Variants in VPS13A observed in about 807,000 individuals in gnomAD.
The protein encoded by VPS13A is vacuolar protein sorting 13 homolog A, also known as intermembrane lipid transfer protein VPS13A.
Under a neutral mutation model 390.9 loss-of-function variants are expected in VPS13A, and 264 were observed. The ratio of observed to expected loss-of-function variants is 0.68; its 90% CI spans 0.61 to 0.75. VPS13A has a LOEUF of 0.75. VPS13A is among the 30% of genes least tolerant of loss of function. VPS13A has a pLI of 0.00. For missense variants in VPS13A, 3,409 were observed against 3,733.9 expected (o/e 0.91, Z 2.27); for synonymous variants, 1,231 against 1,227.1 (o/e 1.00, Z -0.07).
chr9:77,323,905 A>G (rs1219732657), intron 45 of VPS13A, among the ~76,000 whole-genome samples: 2 of 152,102 alleles, frequency 1.3e-5, no homozygotes, highest in Admixed American at 1.3e-4. Flanking sequence ...AATCTATTAT[A>G]TGTATATGCC....
chr9:77,231,389 C>T (rs116400876), intron 17 of VPS13A, among the ~76,000 whole-genome samples: 2,649 of 152,192 alleles, frequency 0.017, 70 homozygotes, highest in African/African-American at 0.059. Context: ...TACAATCCCA[C>T]CAGCAATGTA....
chr9:77,201,502 C>A (rs1825328215), intron 3 of VPS13A, 95 bp downstream of exon 3: 1 of 1,073,978 alleles, frequency 9.3e-7, no homozygotes, highest in Admixed American at 1.8e-5. Flanking sequence ...TTTCATGTTT[C>A]TGAGCATCAA....
At chr9:77,239,577 T>A (rs1419300007) in intron 19 of VPS13A, among the ~76,000 whole-genome samples, 1 of 151,928 alleles carries the variant, frequency 6.6e-6, no homozygotes, top group Non-Finnish European at 1.5e-5. Flanking sequence ...AGAATTTACC[T>A]GGTATATATT....
At chr9:77,352,869 G>T (rs935062066) in intron 53 of VPS13A, among the ~76,000 whole-genome samples, 1 of 152,016 alleles carries the variant, frequency 6.6e-6, no homozygotes, top group Admixed American at 6.5e-5. Flanking sequence ...TTAATTATGA[G>T]AATTTGCTAT....
intron 45 of VPS13A, among the ~76,000 whole-genome samples, chr9:77,323,629 A>G (rs1464102139): frequency 6.6e-6 from 1 of 152,166 alleles, no homozygotes; most frequent in East Asian, 1.9e-4. Flanking sequence ...GACTTTTGAC[A>G]CAAAAATGCA....
At chr9:77,284,637 G>A (rs1306532363) in intron 31 of VPS13A, among the ~76,000 whole-genome samples, 3 of 152,054 alleles carry the variant, frequency 2.0e-5, no homozygotes, top group Non-Finnish European at 2.9e-5. Flanking sequence ...AAGTATCTAC[G>A]AAAAGTTATA....
chr9:77,207,213 T>TTTTA (rs1554859893), intron 5 of VPS13A, among the ~76,000 whole-genome samples: 42 of 43,124 alleles, frequency 9.7e-4, no homozygotes, highest in African/African-American at 2.1e-3. Context: ...TATTTAGATA[T>TTTTA]TATATATATA....
At chr9:77,251,754 G>T (rs1825158439) in intron 21 of VPS13A, among the ~76,000 whole-genome samples, 2 of 151,916 alleles carry the variant, frequency 1.3e-5, no homozygotes, top group Admixed American at 1.3e-4. Context: ...AGTGATTGTT[G>T]CCAATCAACA....
At chr9:77,321,381 G>C in intron 43 of VPS13A, 54 bp downstream of exon 43, 2 of 1,580,808 alleles carry the variant, frequency 1.3e-6, no homozygotes, top group African/African-American at 1.3e-5. Flanking sequence ...TGATTGATCT[G>C]TCTGTTGAAT....
chr9:77,335,201 A>G (rs1830475514), intron 46 of VPS13A, among the ~76,000 whole-genome samples: 2 of 152,206 alleles, frequency 1.3e-5, no homozygotes, highest in South Asian at 4.1e-4. Context: ...ATTCTTGGCT[A>G]CAGTGTGGGT....
intron 17 of VPS13A, among the ~76,000 whole-genome samples, chr9:77,236,440 T>C (rs1379785983): frequency 6.6e-6 from 1 of 152,206 alleles, no homozygotes; most frequent in African/African-American, 2.4e-5. Context: ...ATGTGGTAAC[T>C]GTGGAAATTA....
chr9:77,323,182 T>A lies in VPS13A; in HGVS notation c.5946T>A (p.Asp1982Glu). 1 of 1,613,536 alleles carries A rather than the reference T, an allele frequency of 6.2e-7. No individual in the cohort carries two copies. The highest frequency in any genetic ancestry group is 8.5e-7 in the Non-Finnish European group (1 of 1,179,592). ...AAAGATCTATTGTTTGTCAAATTGA[T>A]ACAGTAGAAGGAAGTAAGAAGGTCA... The part of the protein sequence containing the change: ...GVERSIVCQI[D>E]TVEGSKKVTI... The change falls in exon 45 of 72, where the codon GAT (aspartate) becomes GAA (glutamate). Residue 1982 changes from aspartate (D) to glutamate (E), a missense_variant. By Grantham distance (45) the Asp-to-Glu change is conservative (BLOSUM62 2). Around this residue, in one of 5 missense-constraint regions of VPS13A, gnomAD observed 2,717 missense variants for 2,917.4 expected, o/e 0.93. Coordinates refer to ENST00000360280, the MANE Select transcript of VPS13A (RefSeq NM_033305.3).
chr9:77,298,994 C>G (rs1165545509), intron 33 of VPS13A, among the ~76,000 whole-genome samples: 5 of 152,224 alleles, frequency 3.3e-5, no homozygotes, highest in African/African-American at 1.2e-4. Flanking sequence ...CCAGTTTTCC[C>G]AACACTATTT....
At chr9:77,199,068 A>T (rs756029757) in intron 1 of VPS13A, among the ~76,000 whole-genome samples, 1 of 152,128 alleles carries the variant, frequency 6.6e-6, no homozygotes, top group African/African-American at 2.4e-5. Context: ...TAATATTGCC[A>T]TTTTGCTAAT....
intron 69 of VPS13A, among the ~76,000 whole-genome samples, chr9:77,405,222 G>GGACTT (rs1193535475): frequency 3.3e-5 from 5 of 152,062 alleles, no homozygotes; most frequent in South Asian, 4.1e-4. Context: ...GGCAGTAATG[G>GGACTT]GACTTGATTT....
At chr9:77,396,962 C>G (rs1834142457) in intron 68 of VPS13A, among the ~76,000 whole-genome samples, 1 of 152,128 alleles carries the variant, frequency 6.6e-6, no homozygotes, top group South Asian at 2.1e-4. Flanking sequence ...TGATAGTATT[C>G]ATTTTTATCT....
intron 23 of VPS13A, among the ~76,000 whole-genome samples, chr9:77,265,707 C>A (rs902457393): frequency 4.6e-5 from 7 of 152,180 alleles, no homozygotes; most frequent in South Asian, 2.1e-4. Flanking sequence ...GTCTGGCTAG[C>A]AGTCTATGTA....
chr9:77,404,940 T>C (rs1232860679), intron 69 of VPS13A, among the ~76,000 whole-genome samples: 5 of 151,944 alleles, frequency 3.3e-5, no homozygotes, highest in African/African-American at 7.3e-5. Context: ...GAGAGATAGA[T>C]ATAAATCCTG....
At chr9:77,340,149 G>A in intron 48 of VPS13A, 29 bp from the exon 49 acceptor site, 1 of 1,588,848 alleles carries the variant, frequency 6.3e-7, no homozygotes, top group Non-Finnish European at 8.6e-7. Flanking sequence ...TACCTAAATT[G>A]TGATGTATTT....
Sources: gnomAD v4.1 joint callset for allele counts (sites outside exome capture counted in the v4.1 genomes callset) on GRCh38, gnomAD v4.1.1 for gene constraint, gnomAD v4.1.1 regional missense constraint, MANE v1.5 for transcripts, NCBI Gene and HGNC (gene_info 2026-07-23, HGNC 2026-07-21) for gene names.